The following TMEM178B variants were observed in gnomAD, a reference collection of about 807,000 sequenced individuals.
TMEM178B encodes transmembrane protein 178B.
A neutral mutation model predicts 31.0 loss-of-function variants in TMEM178B; 5 were observed. That is an observed-to-expected ratio of 0.16 (90% CI 0.08 to 0.34). The LOEUF (loss-of-function observed/expected upper bound fraction) is 0.34, where lower values mean the gene tolerates loss of function less well. Among genes scored for constraint, TMEM178B ranks in the 10% least tolerant of loss-of-function variants. The probability of loss-of-function intolerance (pLI) is 1.00; values close to 1 mark genes in which losing one functional copy is unlikely to be tolerated. For synonymous variants in TMEM178B, 164 were observed against 164.0 expected (o/e 1.00, Z 0.00); for missense variants, 275 against 400.3 (o/e 0.69, Z 2.67).
Position 141,479,076 on chromosome 7 carries a change from C to G in TMEM178B, c.*8290C>G, listed in dbSNP as rs947097198. 3 of 152,236 alleles carry G rather than the reference C, an allele frequency of 2.0e-5. No homozygotes were observed. The highest frequency in any genetic ancestry group is 7.2e-5 in the African/African-American group (3 of 41,426). 9.4% of individuals were successfully genotyped at this position (152,236 alleles called of 1,614,324 possible). ...TGTCGGCGCTGCCCCAGTCATGTCC[C>G]TTATGACCTGTCCAAGTCCTAGAGG... On this transcript the variant is annotated 3_prime_UTR_variant, in exon 4 of 4. Transcript: ENST00000565468.
At chr7:141,145,200 T>C (rs2129179752) in intron 1 of TMEM178B, among the ~76,000 whole-genome samples, 1 of 152,288 alleles carries the variant, frequency 6.6e-6, no homozygotes, top group Middle Eastern at 3.4e-3. Flanking sequence ...CCCTCAGGCC[T>C]TGGGCCATGC....
At chr7:141,158,001 A>G (rs1796102352) in intron 1 of TMEM178B, among the ~76,000 whole-genome samples, 1 of 152,202 alleles carries the variant, frequency 6.6e-6, no homozygotes, top group South Asian at 2.1e-4. Context: ...CTTGTAGGCC[A>G]GCACGAGTCC....
chr7:141,399,105 A>G (rs1335759328), intron 2 of TMEM178B, among the ~76,000 whole-genome samples: 3 of 152,242 alleles, frequency 2.0e-5, no homozygotes, highest in Admixed American at 1.3e-4. Context: ...TTTCATATCA[A>G]TGCTAATTCT....
At chr7:141,100,755 C>T (rs533906008) in intron 1 of TMEM178B, among the ~76,000 whole-genome samples, 3 of 152,172 alleles carry the variant, frequency 2.0e-5, no homozygotes, top group South Asian at 2.1e-4. Context: ...AGAATGTATA[C>T]GTATTCTACA....
At chr7:141,281,482 T>C (rs217004) in intron 2 of TMEM178B, among the ~76,000 whole-genome samples, 140,019 of 152,166 alleles carry the variant, frequency 0.92, 64,440 homozygotes, top group East Asian at 1. Context: ...GAACGTGCGT[T>C]GTCTGTCTGG....
At chr7:141,196,501 C>T (rs1796785387) in intron 1 of TMEM178B, among the ~76,000 whole-genome samples, 1 of 152,102 alleles carries the variant, frequency 6.6e-6, no homozygotes, top group Non-Finnish European at 1.5e-5. Flanking sequence ...GTTAGGTTTG[C>T]TGTTGTGATT....
intron 2 of TMEM178B, among the ~76,000 whole-genome samples, chr7:141,221,673 T>C (rs1034815893): frequency 2.6e-5 from 4 of 152,340 alleles, no homozygotes; most frequent in African/African-American, 9.6e-5. Flanking sequence ...GAGGCTGTTA[T>C]AGTCAGAGCA....
chr7:141,230,902 G>C (rs1156283259), intron 2 of TMEM178B, among the ~76,000 whole-genome samples: 2 of 152,164 alleles, frequency 1.3e-5, no homozygotes, highest in Non-Finnish European at 2.9e-5. Flanking sequence ...GGGTCTCTCT[G>C]TGTTGCCCAG....
Position 141,372,659 on chromosome 7 carries a change from G to T in TMEM178B, c.497-64949G>T, listed in dbSNP as rs183828911. Among the ~76,000 whole-genome samples the T allele has an allele frequency of 1.1e-3, 169 of 152,314 alleles. 1 individual carries two copies. The highest frequency in any genetic ancestry group is 6.2e-4 in the South Asian group (3 of 4,828). On this transcript the variant is annotated intron_variant, in intron 2 of 3. Transcript: ENST00000565468. ...AGGGACACAAGAGAAGTTGCTGGAA[G>T]TGTCTATGTTCCCATATAGAATGTC...
intron 1 of TMEM178B, among the ~76,000 whole-genome samples, chr7:141,136,803 C>T (rs1056475211): frequency 6.6e-6 from 1 of 152,046 alleles, no homozygotes; most frequent in African/African-American, 2.4e-5. Context: ...GAGTTCAAGG[C>T]TGCAATGAGC....
chr7:141,297,572 G>A (rs902544694), intron 2 of TMEM178B, among the ~76,000 whole-genome samples: 13 of 152,062 alleles, frequency 8.5e-5, no homozygotes, highest in African/African-American at 2.7e-4. Flanking sequence ...TGTTCTCATT[G>A]TTCAATTCCC....
intron 1 of TMEM178B, among the ~76,000 whole-genome samples, chr7:141,133,859 C>CA (rs1563096224): frequency 1.3e-5 from 2 of 152,152 alleles, no homozygotes; most frequent in African/African-American, 4.8e-5. Flanking sequence ...TTACATGTGA[C>CA]AGAGTTCCCA....
chr7:141,147,823 T>G (rs1214011984), intron 1 of TMEM178B, among the ~76,000 whole-genome samples: 1 of 152,140 alleles, frequency 6.6e-6, no homozygotes, highest in Non-Finnish European at 1.5e-5. Flanking sequence ...TGTTAAGCTG[T>G]TGGATGTAGA....
chr7:141,435,035 A>T (rs1211046111), intron 2 of TMEM178B, among the ~76,000 whole-genome samples: 1 of 152,236 alleles, frequency 6.6e-6, no homozygotes, highest in African/African-American at 2.4e-5. Flanking sequence ...TTTGGTATAA[A>T]AACACATGAA....
In TMEM178B at chr7:141,299,758, G is replaced by A. The variant is rs989292270; in HGVS notation, c.496+87054G>A. Among the ~76,000 whole-genome samples the A allele has an allele frequency of 1.5e-4, 23 of 152,234 alleles. 1 individual carries two copies. Among genetic ancestry groups the A allele is most frequent in the Admixed American group, 1.4e-3 (21 of 15,302 alleles). Reference sequence around the variant, plus strand: ...AGAAAATCTGGAATTCTGGAAATCAGTTCTGTGAGGTCCACAGAGTGACTT... The same window carrying A: ...AGAAAATCTGGAATTCTGGAAATCAATTCTGTGAGGTCCACAGAGTGACTT... On this transcript the variant is annotated intron_variant, in intron 2 of 3. Coordinates refer to ENST00000565468, the MANE Select transcript of TMEM178B (RefSeq NM_001195278.2).
intron 1 of TMEM178B, among the ~76,000 whole-genome samples, chr7:141,160,551 G>C (rs751249563): frequency 6.6e-6 from 1 of 152,130 alleles, no homozygotes; most frequent in Non-Finnish European, 1.5e-5. Context: ...TCCCTAACCT[G>C]CTGTCTGACT....
chr7:141,142,977 T>A (rs1795798558), intron 1 of TMEM178B, among the ~76,000 whole-genome samples: 1 of 152,280 alleles, frequency 6.6e-6, no homozygotes, highest in Non-Finnish European at 1.5e-5. Context: ...TGATTAGTTA[T>A]GTGGAGCATT....
intron 3 of TMEM178B, among the ~76,000 whole-genome samples, chr7:141,445,959 C>T (rs996152873): frequency 6.6e-6 from 1 of 152,156 alleles, no homozygotes. Context: ...TACCCTGGAG[C>T]GTATCTTGCC....
chr7:141,320,398 T>A (rs1260479364), intron 2 of TMEM178B, among the ~76,000 whole-genome samples: 1 of 152,124 alleles, frequency 6.6e-6, no homozygotes, highest in East Asian at 1.9e-4. Flanking sequence ...CATGCATATT[T>A]GAGCTGGAAA....
Sources: gnomAD v4.1 joint callset for allele counts (sites outside exome capture counted in the v4.1 genomes callset) on GRCh38, gnomAD v4.1.1 for gene constraint, MANE v1.5 for transcripts, NCBI Gene and HGNC (gene_info 2026-07-23, HGNC 2026-07-21) for gene names.